ZCCHC7: variants seen among roughly 807,000 people sequenced by gnomAD.
ZCCHC7 encodes zinc finger CCHC domain-containing protein 7.
A neutral mutation model predicts 52.0 loss-of-function variants in ZCCHC7; 35 were observed. The observed-to-expected ratio is 0.67, with a 90% CI of 0.51 to 0.89. The LOEUF (loss-of-function observed/expected upper bound fraction) is 0.89, where lower values mean the gene tolerates loss of function less well. Among genes scored for constraint, ZCCHC7 ranks in the 40% least tolerant of loss-of-function variants. The pLI is 0.00. For missense variants in ZCCHC7, 574 were observed against 649.1 expected, an observed-to-expected ratio of 0.88 and a Z score of 1.26; for synonymous variants, 217 against 221.5, an observed-to-expected ratio of 0.98 and a Z score of 0.18.
At position 37,357,672 on chromosome 9, in the gene ZCCHC7, CTT is replaced by C. The variant is rs201395017; in HGVS notation, c.*422_*423del. On this transcript the variant is annotated 3_prime_UTR_variant, in exon 9 of 9. Transcript: ENST00000336755. ...AGAAAAAGTCATCAATATTTTTCAACTTTTTTTTTTTTTTTTTTTACTTTGGA... is the reference window on the plus strand; with the variant it reads ...AGAAAAAGTCATCAATATTTTTCAACTTTTTTTTTTTTTTTTTACTTTGGA... 7.9e-3 allele frequency: 1,082 copies of C among 136,400 alleles called. 17 individuals are homozygous for C. The highest frequency in any genetic ancestry group is 0.046 in the Admixed American group (622 of 13,548). The allele number at this position is 136,400 out of a possible 1,614,324, so 8.4% of individuals were successfully genotyped here.
intron 2 of ZCCHC7, among the ~76,000 whole-genome samples, chr9:37,299,122 C>T: frequency 6.6e-6 from 1 of 152,180 alleles, no homozygotes; most frequent in Non-Finnish European, 1.5e-5. Flanking sequence ...ATAAAAGCAG[C>T]TATGGGTTGA....
chr9:37,239,154 T>C (rs1207763962), intron 2 of ZCCHC7, among the ~76,000 whole-genome samples: 5 of 152,160 alleles, frequency 3.3e-5, no homozygotes. Context: ...TCCTAGCTAG[T>C]AGGTCATTGT....
chr9:37,255,566 G>A (rs766025452), intron 2 of ZCCHC7, among the ~76,000 whole-genome samples: 8 of 152,026 alleles, frequency 5.3e-5, no homozygotes, highest in Non-Finnish European at 1.2e-4. Context: ...AGCTGACTAC[G>A]GGTAACTGAA....
intron 2 of ZCCHC7, among the ~76,000 whole-genome samples, chr9:37,215,412 G>A (rs1445469839): frequency 6.6e-6 from 1 of 152,134 alleles, no homozygotes; most frequent in Non-Finnish European, 1.5e-5. Context: ...AAGAAATGTT[G>A]CAGATTAATG....
At chr9:37,183,750 C>T (rs1367756032) in intron 2 of ZCCHC7, among the ~76,000 whole-genome samples, 1 of 152,116 alleles carries the variant, frequency 6.6e-6, no homozygotes, top group African/African-American at 2.4e-5. Context: ...ATCAACAACC[C>T]CAATGAATTT....
In ZCCHC7 at chr9:37,151,543, G is replaced by A. The variant is rs539791030; in HGVS notation, c.610+24601G>A. Among the ~76,000 whole-genome samples the A allele has an allele frequency of 1.3e-4, 20 of 152,096 alleles. No individual in the cohort carries two copies. In the South Asian group the frequency reaches 3.1e-3, roughly 24 times the overall value. On this transcript the variant is annotated intron_variant, in intron 2 of 8. Transcript: ENST00000336755. Reference sequence around the variant, plus strand: ...TTTCTGGCTGGGTGTGGTGGCTCACGCCTGTAATTCCAGCACTTTGGGAGC... The same window carrying A: ...TTTCTGGCTGGGTGTGGTGGCTCACACCTGTAATTCCAGCACTTTGGGAGC...
chr9:37,166,222 C>G (rs1588413198), intron 2 of ZCCHC7, among the ~76,000 whole-genome samples: 1 of 152,118 alleles, frequency 6.6e-6, no homozygotes, highest in South Asian at 2.1e-4. Context: ...TGGTGAAACC[C>G]CGTCTCTACT....
intron 2 of ZCCHC7, among the ~76,000 whole-genome samples, chr9:37,162,992 A>G (rs959093538): frequency 6.6e-6 from 1 of 151,984 alleles, no homozygotes; most frequent in Non-Finnish European, 1.5e-5. Context: ...CATGAGGTCA[A>G]AAGATTGAGA....
At chr9:37,341,406 T>C (rs1320162756) in intron 6 of ZCCHC7, among the ~76,000 whole-genome samples, 1 of 152,214 alleles carries the variant, frequency 6.6e-6, no homozygotes, top group African/African-American at 2.4e-5. Flanking sequence ...CATTACCTCA[T>C]TATTCATTCA....
At chr9:37,319,253 G>A (rs1234162893) in intron 5 of ZCCHC7, among the ~76,000 whole-genome samples, 1 of 151,958 alleles carries the variant, frequency 6.6e-6, no homozygotes, top group East Asian at 1.9e-4. Flanking sequence ...TGATAGTTCT[G>A]TCTGTATTTT....
chr9:37,190,864 A>T (rs1243688358), intron 2 of ZCCHC7, among the ~76,000 whole-genome samples: 2 of 152,196 alleles, frequency 1.3e-5, no homozygotes, highest in Non-Finnish European at 2.9e-5. Context: ...ACTAAAAAAA[A>T]ATACCAAATT....
rs59489076 is a variant in ZCCHC7, at chr9:37,254,837, C to CTTTTTTTTTTTT, written c.611-47346_611-47335dup. 1.5e-4 allele frequency among the ~76,000 whole-genome samples: 14 copies of CTTTTTTTTTTTT among 93,456 alleles called. 1 individual carries two copies. The highest frequency in any genetic ancestry group is 2.0e-4 in the Non-Finnish European group (10 of 50,058). 61.3% of individuals were successfully genotyped at this position (93,456 alleles called of 152,430 possible). The stretch of plus-strand genomic sequence containing the variant: ...TGCCATGTTAATGCTCAAAAAGTTT[C>CTTTTTTTTTTTT]TTTTTTTTTTTTTTTTGGATTTTTG... On this transcript the variant is annotated intron_variant, in intron 2 of 8. Transcript: ENST00000336755.
intron 2 of ZCCHC7, among the ~76,000 whole-genome samples, chr9:37,133,870 T>C (rs894789769): frequency 1.3e-5 from 2 of 152,194 alleles, no homozygotes; most frequent in Non-Finnish European, 2.9e-5. Flanking sequence ...ATTATAGGCG[T>C]GAGCCACCGT....
chr9:37,271,467 AT>A (rs1827409021), intron 2 of ZCCHC7, among the ~76,000 whole-genome samples: 1 of 152,208 alleles, frequency 6.6e-6, no homozygotes, highest in East Asian at 1.9e-4. Context: ...TTATCAGGTA[AT>A]TATAGAAATT....
chr9:37,165,510 G>A (rs907633517), intron 2 of ZCCHC7, among the ~76,000 whole-genome samples: 1 of 152,070 alleles, frequency 6.6e-6, no homozygotes, highest in Non-Finnish European at 1.5e-5. Flanking sequence ...TTTTTACCAG[G>A]AGTAGATGTT....
chr9:37,310,850 G>A (rs188567978), intron 5 of ZCCHC7, among the ~76,000 whole-genome samples: 157 of 149,898 alleles, frequency 1.0e-3, no homozygotes, highest in African/African-American at 3.7e-3. Context: ...CCAGCTACTC[G>A]GGAGGCTGAG....
intron 2 of ZCCHC7, among the ~76,000 whole-genome samples, chr9:37,195,067 C>T (rs1823220521): frequency 6.6e-6 from 1 of 151,708 alleles, no homozygotes. Context: ...ATGCCTCAGC[C>T]TCCCTAGTAG....
chr9:37,201,989 G>A (rs886548228), intron 2 of ZCCHC7, among the ~76,000 whole-genome samples: 14 of 152,176 alleles, frequency 9.2e-5, no homozygotes, highest in African/African-American at 3.4e-4. Context: ...ATAGAGAGTA[G>A]AAATAGAGCT....
chr9:37,327,737 A>G (rs1564257185), intron 5 of ZCCHC7, 62 bp from the exon 6 acceptor site: 5 of 1,598,264 alleles, frequency 3.1e-6, no homozygotes, highest in Non-Finnish European at 4.3e-6. Flanking sequence ...TTATGCCAAA[A>G]CCAACAGGCT....
Sources: gnomAD v4.1 joint callset for allele counts (sites outside exome capture counted in the v4.1 genomes callset) on GRCh38, gnomAD v4.1.1 for gene constraint, MANE v1.5 for transcripts, NCBI Gene and HGNC (gene_info 2026-07-23, HGNC 2026-07-21) for gene names.